The following KRT84 variants were observed in gnomAD, a reference collection of about 807,000 sequenced individuals.
KRT84 encodes the protein keratin 84.
KRT84 carries 38 observed loss-of-function variants against 49.0 expected under a neutral mutation model. The ratio of observed to expected loss-of-function variants is 0.78; its 90% CI spans 0.60 to 1.02. KRT84 has a LOEUF of 1.02. KRT84 is among the 50% of genes least tolerant of loss of function. The pLI is 0.00. For missense variants in KRT84, 860 were observed against 788.6 expected (o/e 1.09, Z -1.08); for synonymous variants, 334 against 312.8 (o/e 1.07, Z -0.72).
At position 52,385,122 on chromosome 12, in the gene KRT84, T is replaced by C; in HGVS notation, c.464A>G (p.Asp155Gly). ...CTTCTTCACCCTCTGGGCATTGGGG[T>C]CAATCTCCAGGTTGAGGGGGGTCAG... Reference protein sequence around the residue: ...SLLTPLNLEIDPNAQRVKKDE... With the variant: ...SLLTPLNLEIGPNAQRVKKDE... Residue 155 changes from aspartate (D) to glycine (G), a missense_variant, in exon 1 of 9, where the codon GAC becomes GGC. Coordinates refer to ENST00000257951, the MANE Select transcript of KRT84 (RefSeq NM_033045.4). The C allele has an allele frequency of 6.3e-7, 1 of 1,598,448 alleles. No homozygotes were observed. The highest frequency in any genetic ancestry group is 8.5e-7 in the Non-Finnish European group (1 of 1,172,214).
Position 52,380,389 on chromosome 12 carries a change from C to A in KRT84, c.1398G>T (p.Arg466Ser). The A allele has an allele frequency of 6.2e-7, 1 of 1,614,140 alleles. No homozygotes were observed. The highest frequency in any genetic ancestry group is 8.5e-7 in the Non-Finnish European group (1 of 1,180,026). ...GGCTCTCCTCGCCCTCCAGCAGGCGCCTGTAGGTGGCGATCTCGATGTCCA... is the reference window on the plus strand; with the variant it reads ...GGCTCTCCTCGCCCTCCAGCAGGCGACTGTAGGTGGCGATCTCGATGTCCA... ...LGLDIEIATY[R>S]RLLEGEESRL... The change falls in exon 7 of 9, where the codon AGG (arginine) becomes AGT (serine). Residue 466 changes from arginine to serine, a missense_variant. Physicochemically the swap from Arg to Ser is moderately radical, Grantham distance 110. Transcript: ENST00000257951.
intron 1 of KRT84, among the ~76,000 whole-genome samples, chr12:52,384,423 C>T (rs1184251443): frequency 6.6e-6 from 1 of 152,216 alleles, no homozygotes; most frequent in Non-Finnish European, 1.5e-5. Flanking sequence ...GGGTTATCCA[C>T]ATCACTGTTC....
At chr12:52,379,461 C>T (rs1487349755) in intron 8 of KRT84, among the ~76,000 whole-genome samples, 1 of 152,232 alleles carries the variant, frequency 6.6e-6, no homozygotes, top group Non-Finnish European at 1.5e-5. Context: ...ACAACCCATG[C>T]TTCGGCTGCA....
Position 52,385,198 on chromosome 12 carries a change from C to T in KRT84, c.388G>A (p.Gly130Arg), listed in dbSNP as rs1277761339. 13 of 1,611,036 alleles carry T rather than the reference C, an allele frequency of 8.1e-6. No individual in the cohort carries two copies. Among genetic ancestry groups the T allele is most frequent in the Non-Finnish European group, 1.1e-5 (13 of 1,177,956 alleles). Residue 130 changes from glycine to arginine, a missense_variant, in exon 1 of 9, where the codon GGA becomes AGA. Gly to Arg is a moderately radical substitution (Grantham distance 125). Transcript: ENST00000257951. ...GTGATAGATGGGGCTGCTGGGACTC[C>T]AACCCCTCCAACTCTGTAACCAAAG... ...PGFGYRVGGV[G>R]VPAAPSITAV...
At chr12:52,382,976 A>C in intron 3 of KRT84, 29 bp downstream of exon 3, 1 of 1,605,590 alleles carries the variant, frequency 6.2e-7, no homozygotes, top group South Asian at 1.1e-5. Flanking sequence ...CCAGAGGAGA[A>C]GTTGGCCTGG....
chr12:52,385,142 G>C lies in KRT84; in HGVS notation c.444C>G (p.Thr148=). 2 of 1,598,446 alleles carry C rather than the reference G, an allele frequency of 1.3e-6. No individual in the cohort carries two copies. Among genetic ancestry groups the C allele is most frequent in the Non-Finnish European group, 1.7e-6 (2 of 1,171,372 alleles). The change falls in exon 1 of 9, where the codon ACC becomes ACG. Residue 148 remains threonine, a synonymous_variant. Transcript: ENST00000257951. ...TGGGGTCAATCTCCAGGTTGAGGGGGGTCAGTAGGCTCTTGTTCACAGTCA... is the reference window on the plus strand; with the variant it reads ...TGGGGTCAATCTCCAGGTTGAGGGGCGTCAGTAGGCTCTTGTTCACAGTCA... ...TAVTVNKSLL[T]PLNLEIDPNA... is the part of the protein sequence containing the mutation.
chr12:52,383,423 CT>C (rs1298842108), intron 2 of KRT84, among the ~76,000 whole-genome samples, 166 bp downstream of exon 2: 4 of 152,026 alleles, frequency 2.6e-5, no homozygotes, highest in Non-Finnish European at 5.9e-5. Flanking sequence ...TCAGGAGGGC[CT>C]CCTCTTCTCT....
Position 52,383,066 on chromosome 12 carries a change from C to G in KRT84, c.756-1G>C, listed in dbSNP as rs1464649526. On this transcript the variant is annotated splice_acceptor_variant, in intron 2 of 8. Coordinates refer to ENST00000257951, the MANE Select transcript of KRT84 (RefSeq NM_033045.4). LOFTEE classifies it high-confidence loss of function. The stretch of plus-strand genomic sequence containing the variant: ...CCGACATACCACTTCCTCTTCATAC[C>G]TGATGATAAAGGTTAAGAGGGTGAG... The G allele has an allele frequency of 1.2e-6, 2 of 1,613,536 alleles. No individual in the cohort carries two copies. Among genetic ancestry groups the G allele is most frequent in the Non-Finnish European group, 1.7e-6 (2 of 1,179,540 alleles).
At position 52,381,340 on chromosome 12, in the gene KRT84, TC is replaced by T; in HGVS notation, c.1077+20del. ...CATTCCCAGAGCTGCCTACATCCCT[TC>T]CCCAGCCTCCACTGCCCACCTTGGT... On this transcript the variant is annotated intron_variant, in intron 5 of 8. Coordinates refer to ENST00000257951, the MANE Select transcript of KRT84 (RefSeq NM_033045.4). The T allele has an allele frequency of 6.2e-7, 1 of 1,613,974 alleles. No homozygotes were observed. Among genetic ancestry groups the T allele is most frequent in the Non-Finnish European group, 8.5e-7 (1 of 1,179,968 alleles).
intron 4 of KRT84, 106 bp from the exon 5 acceptor site, chr12:52,381,631 T>A: frequency 9.2e-7 from 1 of 1,087,008 alleles, no homozygotes; most frequent in Non-Finnish European, 1.3e-6. Context: ...AGAGCATCAC[T>A]CATTGGTTCA....
chr12:52,381,094 G>A lies in KRT84; in HGVS notation c.1189C>T (p.His397Tyr). The A allele has an allele frequency of 6.2e-7, 1 of 1,614,052 alleles. No homozygotes were observed. Among genetic ancestry groups the A allele is most frequent in the Non-Finnish European group, 8.5e-7 (1 of 1,179,972 alleles). The change falls in exon 6 of 9, where the codon CAC (histidine) becomes TAC (tyrosine). Residue 397 changes from histidine (H) to tyrosine (Y), a missense_variant. By Grantham distance (83) the His-to-Tyr change is moderately conservative. Transcript: ENST00000257951. ...LIQRLKAEIE[H>Y]AKAQRAKLEA... ...CCTTTGCCCACCTGAGCCTTGGCGTGCTCAATCTCTGCCTTAAGCCTCTGG... is the reference window on the plus strand; with the variant it reads ...CCTTTGCCCACCTGAGCCTTGGCGTACTCAATCTCTGCCTTAAGCCTCTGG...
rs142929401 is a variant in KRT84 at position 52,380,489 on chromosome 12, G to T, written c.1298C>A (p.Ala433Asp). ...AKCKLADLEC[A>D]LQQAKQDMAR... is the part of the protein sequence containing the mutation. Reference sequence around the variant, plus strand: ...CATGTCCTGCTTGGCCTGCTGCAGGGCACACTCCAGATCTGCCAGCTTGCA... The same window carrying T: ...CATGTCCTGCTTGGCCTGCTGCAGGTCACACTCCAGATCTGCCAGCTTGCA... The change falls in exon 7 of 9, where the codon GCC becomes GAC. Residue 433 changes from alanine to aspartate, a missense_variant. Ala to Asp is a moderately radical substitution (Grantham distance 126, BLOSUM62 -2). Transcript: ENST00000257951. The T allele has an allele frequency of 7.4e-5, 119 of 1,613,968 alleles. No individual in the cohort carries two copies. The highest frequency in any genetic ancestry group is 9.9e-5 in the Non-Finnish European group (117 of 1,179,940).
chr12:52,381,252 A>G, intron 5 of KRT84, 47 bp from the exon 6 acceptor site: 1 of 1,611,302 alleles, frequency 6.2e-7, no homozygotes, highest in Non-Finnish European at 8.5e-7. Context: ...TCAGGTCAGG[A>G]TCACAGCCCC....
rs540177862 is a variant in KRT84, at chr12:52,383,647, G to A, written c.698C>T (p.Ala233Val). Residue 233 changes from alanine to valine, a missense_variant, in exon 2 of 9, where the codon GCC becomes GTC. Physicochemically the swap from Ala to Val is moderately conservative, Grantham distance 64 (BLOSUM62 0). Transcript: ENST00000257951. ...GTGGTTCCTCTCAGCCTGGAGCCGG[G>A]CCTGATCACTGACCAGCACCTCCAA... ...RQLEVLVSDQ[A>V]RLQAERNHLQ... 8 of 1,614,062 alleles carry A rather than the reference G, an allele frequency of 5.0e-6. No individual in the cohort carries two copies. The highest frequency in any genetic ancestry group is 6.8e-6 in the Non-Finnish European group (8 of 1,180,044).
Position 52,385,403 on chromosome 12 carries a change from G to A in KRT84, c.183C>T (p.Tyr61=). The change falls in exon 1 of 9, where the codon TAC becomes TAT. Residue 61 remains tyrosine, a synonymous_variant. Coordinates refer to ENST00000257951, the MANE Select transcript of KRT84 (RefSeq NM_033045.4). ...AGCCTACAGCTGCTATCCGGGGTGA[G>A]TACGATCCAAAGGTGATGACACTCC... ...GSRSVITFGS[Y]SPRIAAVGSR... is the part of the protein sequence containing the mutation. 1 of 1,614,158 alleles carries A rather than the reference G, an allele frequency of 6.2e-7. No individual in the cohort carries two copies. The highest frequency in any genetic ancestry group is 8.5e-7 in the Non-Finnish European group (1 of 1,180,028).
At chr12:52,382,937 C>A (rs1939509466) in intron 3 of KRT84, 68 bp downstream of exon 3, 2 of 1,372,586 alleles carry the variant, frequency 1.5e-6, no homozygotes, top group Admixed American at 3.4e-5. Flanking sequence ...TGAGCAGTTT[C>A]CTGGGGAGTC....
Position 52,378,065 on chromosome 12 carries a change from G to C in KRT84, c.1772C>G (p.Ser591Cys), listed in dbSNP as rs1400592376. ...GGRSSSVRFVSTTTSCRTKY is the reference protein window; with the variant it reads ...GGRSSSVRFVCTTTSCRTKY ...CTTGGTCCGGCAGGAGGTGGTGGTGGACACAAAGCGGACGCTGGAGCTGCG... is the reference window on the plus strand; with the variant it reads ...CTTGGTCCGGCAGGAGGTGGTGGTGCACACAAAGCGGACGCTGGAGCTGCG... The change falls in exon 9 of 9, where the codon TCC (serine) becomes TGC (cysteine). Residue 591 changes from serine (S) to cysteine (C), a missense_variant. Coordinates refer to ENST00000257951, the MANE Select transcript of KRT84 (RefSeq NM_033045.4). 8.1e-6 allele frequency: 12 copies of C among 1,485,002 alleles called. No individual in the cohort carries two copies. The highest frequency in any genetic ancestry group is 1.1e-5 in the Non-Finnish European group (12 of 1,120,218). 92.0% of individuals were successfully genotyped at this position (1,485,002 alleles called of 1,614,324 possible).
chr12:52,385,681 T>C, upstream of KRT84: 1 of 1,190,074 alleles, frequency 8.4e-7, no homozygotes, highest in South Asian at 1.4e-5. Context: ...GCACCCCTTT[T>C]ATGTGTGTGG....
chr12:52,382,209 G>C (rs767849982), intron 4 of KRT84, among the ~76,000 whole-genome samples: 25 of 152,222 alleles, frequency 1.6e-4, no homozygotes, highest in Non-Finnish European at 3.2e-4. Flanking sequence ...TAAATAAGGA[G>C]TTGGATCATA....
Sources: gnomAD v4.1 joint callset for allele counts (sites outside exome capture counted in the v4.1 genomes callset) on GRCh38, gnomAD v4.1.1 for gene constraint, MANE v1.5 for transcripts, NCBI Gene and HGNC (gene_info 2026-07-23, HGNC 2026-07-21) for gene names.